PCBP3: variants seen among roughly 807,000 people sequenced by gnomAD.
PCBP3 encodes poly(rC)-binding protein 3.
PCBP3 carries 25 observed loss-of-function variants against 52.7 expected under a neutral mutation model. That is an observed-to-expected ratio of 0.47 (90% CI 0.35 to 0.66). PCBP3 has a LOEUF of 0.66. PCBP3 is among the 30% of genes least tolerant of loss of function. The pLI, the probability that PCBP3 is intolerant of heterozygous loss-of-function variation, is 0.01. For missense variants in PCBP3, 391 were observed against 490.3 expected, an observed-to-expected ratio of 0.80 and a Z score of 1.91; for synonymous variants, 162 against 183.0, an observed-to-expected ratio of 0.89 and a Z score of 0.93.
At chr21:45,930,716 C>T (rs1429113035) in intron 14 of PCBP3, 70 bp from the exon 15 acceptor site, 3 of 771,572 alleles carry the variant, frequency 3.9e-6, no homozygotes, top group Admixed American at 3.6e-5. Context: ...TTTGAGCTTC[C>T]CTAGTTGAAG....
rs562940151 is a variant in PCBP3 at position 45,800,643 on chromosome 21, G to T, written c.-126+45191G>T. Among the ~76,000 whole-genome samples the T allele has an allele frequency of 6.6e-5, 10 of 152,326 alleles. No individual in the cohort carries two copies. The highest frequency in any genetic ancestry group is 5.9e-4 in the Admixed American group (9 of 15,306). On this transcript the variant is annotated intron_variant, in intron 4 of 17. Coordinates refer to ENST00000681687, the MANE Select transcript of PCBP3 (RefSeq NM_001384156.1). The surrounding 1 kb of genome is among the most constrained non-coding windows in gnomAD (Gnocchi z 5.3). The stretch of plus-strand genomic sequence containing the variant: ...CCACCCCTTCGTGCTGGGCCCTTGG[G>T]CCAAGCACCGCATGCAGCCTGGTGC...
intron 2 of PCBP3, among the ~76,000 whole-genome samples, chr21:45,676,443 G>A (rs907081748): frequency 5.3e-5 from 8 of 151,884 alleles, no homozygotes; most frequent in African/African-American, 1.7e-4. Context: ...TTTTCCAATA[G>A]CATTGCTTAC....
chr21:45,890,854 C>T (rs13050569), intron 5 of PCBP3, among the ~76,000 whole-genome samples: 4 of 115,558 alleles, frequency 3.5e-5, no homozygotes, highest in African/African-American at 6.6e-5. Context: ...TGCACTGCTG[C>T]GGGGAATGTA....
chr21:45,885,694 C>T (rs1021239107), intron 5 of PCBP3, among the ~76,000 whole-genome samples: 1 of 152,104 alleles, frequency 6.6e-6, no homozygotes, highest in Non-Finnish European at 1.5e-5. Flanking sequence ...TTCTGTCGTT[C>T]CCTTTCAGTT....
Position 45,829,428 on chromosome 21 carries a change from C to T in PCBP3, c.-125-20533C>T, listed in dbSNP as rs371934288. On this transcript the variant is annotated intron_variant, in intron 4 of 17. Transcript: ENST00000681687. The surrounding 1 kb of genome is among the most constrained non-coding windows in gnomAD (Gnocchi z 5.2). ...GAGGGTGCTGGGCAGAACCCCTTCC[C>T]GCTGGGCCTCTCTTTGGCATTCCTC... The T allele has an allele frequency of 2.0e-5, 3 of 152,724 alleles. No homozygotes were observed. The highest frequency in any genetic ancestry group is 4.8e-5 in the African/African-American group (2 of 41,594). 9.5% of individuals were successfully genotyped at this position (152,724 alleles called of 1,614,324 possible). A position where few individuals can be genotyped will look rare whatever the true frequency, so the allele number is the denominator to read the frequency against.
Position 45,842,912 on chromosome 21 carries a change from C to T in PCBP3, c.-125-7049C>T, listed in dbSNP as rs142401709. On this transcript the variant is annotated intron_variant, in intron 4 of 17. Transcript: ENST00000681687. ...CAGGTATTCTCAGATGCTTTCTGAC[C>T]TAATAGGTTCCTCCTTTCCCATCCC... 5.3e-3 allele frequency among the ~76,000 whole-genome samples: 803 copies of T among 152,326 alleles called. 1 individual carries two copies. Among genetic ancestry groups the T allele is most frequent in the Non-Finnish European group, 8.7e-3 (590 of 68,032 alleles).
At chr21:45,711,720 A>G (rs2083853273) in intron 2 of PCBP3, among the ~76,000 whole-genome samples, 2 of 152,212 alleles carry the variant, frequency 1.3e-5, no homozygotes, top group Non-Finnish European at 2.9e-5. Context: ...TATATTTTTA[A>G]TACAGTTAGA....
chr21:45,771,754 A>G (rs1004461045), intron 4 of PCBP3, among the ~76,000 whole-genome samples: 11 of 152,298 alleles, frequency 7.2e-5, no homozygotes, highest in African/African-American at 2.4e-4. Context: ...TGGAGGTTCT[A>G]GCAAGTTCAA....
At chr21:45,914,562 C>T (rs1031800096) in intron 12 of PCBP3, 3 of 165,142 alleles carry the variant, frequency 1.8e-5, no homozygotes, top group South Asian at 1.9e-4. Flanking sequence ...GCCTCACAGG[C>T]GCCCCATACC....
At chr21:45,832,014 G>A (rs1468951966) in intron 4 of PCBP3, among the ~76,000 whole-genome samples, 1 of 152,178 alleles carries the variant, frequency 6.6e-6, no homozygotes, top group East Asian at 1.9e-4. Flanking sequence ...GCCAGCCAAA[G>A]CAAGTAGATT....
chr21:45,715,922 T>C (rs140893648), intron 2 of PCBP3, among the ~76,000 whole-genome samples: 86 of 152,292 alleles, frequency 5.6e-4, no homozygotes, highest in Non-Finnish European at 9.7e-4. Context: ...GTTCTGTGGG[T>C]TGACTTTTTA....
At position 45,818,294 on chromosome 21, in the gene PCBP3, A is replaced by G. The variant is rs572892530; in HGVS notation, c.-125-31667A>G. Among the ~76,000 whole-genome samples the G allele has an allele frequency of 3.6e-4, 55 of 152,222 alleles. 1 individual carries two copies. Among genetic ancestry groups the G allele is most frequent in the African/African-American group, 1.3e-3 (54 of 41,540 alleles). ...CCTCGGCCTCCTAAAGTGCTGGGAT[A>G]ACAGGTGTGAGCCACCGCGCCGGCC... is the stretch of plus-strand genomic sequence containing the variant. On this transcript the variant is annotated intron_variant, in intron 4 of 17. Coordinates refer to ENST00000681687, the MANE Select transcript of PCBP3 (RefSeq NM_001384156.1).
chr21:45,697,557 C>A (rs2082858209), intron 2 of PCBP3, among the ~76,000 whole-genome samples: 1 of 151,968 alleles, frequency 6.6e-6, no homozygotes, highest in South Asian at 2.1e-4. Flanking sequence ...CCAGCCTAGA[C>A]AACATAGTGA....
rs747162701 is a variant in PCBP3, at chr21:45,800,711, C to T, written c.-126+45259C>T. On this transcript the variant is annotated intron_variant, in intron 4 of 17. Transcript: ENST00000681687. This position sits in a 1 kb window ranked among gnomAD's most constrained non-coding sequence, Gnocchi z 5.3. ...AGCCTGGGTGAGGTGGCCCTCCCACCTGGGCCATGTGCCTCACTATGCCTA... is the reference window on the plus strand; with the variant it reads ...AGCCTGGGTGAGGTGGCCCTCCCACTTGGGCCATGTGCCTCACTATGCCTA... Among the ~76,000 whole-genome samples the T allele has an allele frequency of 6.6e-6, 1 of 152,248 alleles. No homozygotes were observed. Among genetic ancestry groups the T allele is most frequent in the East Asian group, 1.9e-4 (1 of 5,192 alleles).
chr21:45,805,370 G>A lies in PCBP3; in HGVS notation c.-125-44591G>A, dbSNP rs1182009858. ...GGGTGGGTGTGACTGGTAACAAGCA[G>A]GGGTTTGGCACCCCCCTTGCCCACC... On this transcript the variant is annotated intron_variant, in intron 4 of 17. Transcript: ENST00000681687. This position sits in a 1 kb window ranked among gnomAD's most constrained non-coding sequence, Gnocchi z 4.6. Among the ~76,000 whole-genome samples, 1 of 152,064 alleles carries A rather than the reference G, an allele frequency of 6.6e-6. No individual in the cohort carries two copies. Among genetic ancestry groups the A allele is most frequent in the African/African-American group, 2.4e-5 (1 of 41,394 alleles).
rs1245406029 is a variant in PCBP3, at chr21:45,830,336, T to C, written c.-125-19625T>C. ...CCTGCACAGTGCAGGCATCTCCTCT[T>C]AGGCCGCTCCTCTGAGCCCCTCCAT... On this transcript the variant is annotated intron_variant, in intron 4 of 17. Coordinates refer to ENST00000681687, the MANE Select transcript of PCBP3 (RefSeq NM_001384156.1). The surrounding 1 kb of genome is among the most constrained non-coding windows in gnomAD (Gnocchi z 4.4). The C allele has an allele frequency of 6.5e-6, 1 of 152,968 alleles. No homozygotes were observed. The highest frequency in any genetic ancestry group is 1.5e-5 in the Non-Finnish European group (1 of 68,168). 9.5% of individuals were successfully genotyped at this position (152,968 alleles called of 1,614,324 possible).
At position 45,805,770 on chromosome 21, in the gene PCBP3, A is replaced by G. The variant is rs966889882; in HGVS notation, c.-125-44191A>G. Reference sequence around the variant, plus strand: ...GGTAAAGGTGACATCCCCTCCTAGCAGCTGCACACTGGAGTGGTCCTGAGG... The same window carrying G: ...GGTAAAGGTGACATCCCCTCCTAGCGGCTGCACACTGGAGTGGTCCTGAGG... On this transcript the variant is annotated intron_variant, in intron 4 of 17. Coordinates refer to ENST00000681687, the MANE Select transcript of PCBP3 (RefSeq NM_001384156.1). This position sits in a 1 kb window ranked among gnomAD's most constrained non-coding sequence, Gnocchi z 4.6. Among the ~76,000 whole-genome samples, 1 of 152,116 alleles carries G rather than the reference A, an allele frequency of 6.6e-6. No homozygotes were observed. The highest frequency in any genetic ancestry group is 2.4e-5 in the African/African-American group (1 of 41,420).
At chr21:45,666,947 C>T (rs975724183) in intron 1 of PCBP3, among the ~76,000 whole-genome samples, 2 of 151,940 alleles carry the variant, frequency 1.3e-5, no homozygotes, top group African/African-American at 4.8e-5. Flanking sequence ...ATCCTTGAAG[C>T]TTATTGAGGT....
intron 13 of PCBP3, chr21:45,918,792 G>T (rs2073956170): frequency 6.7e-6 from 1 of 149,190 alleles, no homozygotes; most frequent in Admixed American, 6.7e-5. Context: ...GGGGGAAGAA[G>T]TTACCCTCAG....
Sources: allele counts gnomAD v4.1 joint callset (sites outside exome capture counted in the v4.1 genomes callset), GRCh38; gene constraint gnomAD v4.1.1; non-coding constraint Gnocchi (gnomAD v3.1); transcripts MANE v1.5; gene names NCBI Gene and HGNC (gene_info 2026-07-23, HGNC 2026-07-21).